LINGO1: variants seen among roughly 807,000 people sequenced by gnomAD.
LINGO1 encodes leucine rich repeat and Ig domain containing 1.
A neutral mutation model predicts 37.3 loss-of-function variants in LINGO1; 11 were observed. The ratio of observed to expected loss-of-function variants is 0.29; its 90% CI spans 0.19 to 0.49. The LOEUF is 0.49. Ranked by LOEUF, LINGO1 falls within the 20% of genes least tolerant of loss-of-function variation. The probability of loss-of-function intolerance (pLI) is 0.99; values close to 1 mark genes in which losing one functional copy is unlikely to be tolerated. For missense variants in LINGO1, 585 were observed against 878.2 expected (o/e 0.67, Z 4.22); for synonymous variants, 387 against 403.0 (o/e 0.96, Z 0.48).
upstream of LINGO1, among the ~76,000 whole-genome samples, chr15:77,636,223 G>A (rs1354308775): frequency 6.6e-6 from 1 of 152,150 alleles, no homozygotes; most frequent in African/African-American, 2.4e-5. Context: ...GCAGGAGGTG[G>A]AGCTGGGGCA....
intron 1 of LINGO1, among the ~76,000 whole-genome samples, chr15:77,737,482 A>G (rs1567555203): frequency 6.6e-6 from 1 of 152,022 alleles, no homozygotes; most frequent in Non-Finnish European, 1.5e-5. Context: ...GAAGAGAGAG[A>G]GAGGGAAGGA....
intron 2 of LINGO1, among the ~76,000 whole-genome samples, chr15:77,681,932 G>A (rs762194678): frequency 2.1e-4 from 32 of 152,222 alleles, no homozygotes; most frequent in Non-Finnish European, 2.8e-4. Context: ...TCTCACACAC[G>A]CCCTCGAGGA....
intron 3 of LINGO1, among the ~76,000 whole-genome samples, chr15:77,672,935 T>C (rs1025222277): frequency 1.3e-5 from 2 of 152,218 alleles, no homozygotes; most frequent in African/African-American, 2.4e-5. Context: ...CAAAGATCAA[T>C]GGAATCAAAC....
chr15:77,639,426 T>C (rs954512894), intron 3 of LINGO1, among the ~76,000 whole-genome samples: 1 of 151,938 alleles, frequency 6.6e-6, no homozygotes, highest in Non-Finnish European at 1.5e-5. Context: ...GGGCAAGGAA[T>C]GGCCCGGCAA....
At chr15:77,757,658 A>G (rs2076433365) in intron 1 of LINGO1, among the ~76,000 whole-genome samples, 2 of 149,466 alleles carry the variant, frequency 1.3e-5, no homozygotes, top group Non-Finnish European at 3.0e-5. Flanking sequence ...AAGTCCCCAG[A>G]TAAGAGGAGA....
chr15:77,671,989 G>C (rs2141206701), intron 3 of LINGO1, among the ~76,000 whole-genome samples: 1 of 145,020 alleles, frequency 6.9e-6, no homozygotes, highest in East Asian at 1.9e-4. Context: ...CCAAACACAT[G>C]ATGAGCCTCT....
At chr15:77,655,858 C>T (rs2074853858) in intron 3 of LINGO1, among the ~76,000 whole-genome samples, 1 of 152,240 alleles carries the variant, frequency 6.6e-6, no homozygotes, top group South Asian at 2.1e-4. Flanking sequence ...CTCCTCCCAG[C>T]CTTCTCCTCC....
chr15:77,804,513 G>C (rs2076944122), intron 1 of LINGO1, among the ~76,000 whole-genome samples: 1 of 152,220 alleles, frequency 6.6e-6, no homozygotes, highest in East Asian at 1.9e-4. Context: ...ATAGGCAGAG[G>C]TCAGAGTGAG....
chr15:77,699,534 A>G (rs2031156806), upstream of LINGO1, among the ~76,000 whole-genome samples: 1 of 9,274 alleles, frequency 1.1e-4, no homozygotes, highest in African/African-American at 3.8e-4. Flanking sequence ...CCCCACACAC[A>G]GTAAGTGCAT....
At chr15:77,666,919 G>A (rs1443439877) in intron 3 of LINGO1, 1 of 152,226 alleles carries the variant, frequency 6.6e-6, no homozygotes, top group Non-Finnish European at 1.5e-5. Context: ...GAGGAACTCA[G>A]CCTCTCTGAA....
chr15:77,775,307 T>C (rs1161086188), intron 1 of LINGO1, among the ~76,000 whole-genome samples: 1 of 152,148 alleles, frequency 6.6e-6, no homozygotes, highest in African/African-American at 2.4e-5. Flanking sequence ...CCTACAGCAG[T>C]GGGTGCCCAC....
At chr15:77,783,647 C>T (rs2076742847) in intron 1 of LINGO1, among the ~76,000 whole-genome samples, 1 of 152,198 alleles carries the variant, frequency 6.6e-6, no homozygotes, top group Admixed American at 6.5e-5. Flanking sequence ...TCTAGGACGG[C>T]TGTGTGGATA....
intron 2 of LINGO1, among the ~76,000 whole-genome samples, chr15:77,685,675 T>C (rs911038494): frequency 4.8e-5 from 7 of 144,642 alleles, no homozygotes; most frequent in African/African-American, 1.6e-4. Flanking sequence ...CTGGGCAACA[T>C]AGTGAGACCC....
intron 1 of LINGO1, among the ~76,000 whole-genome samples, chr15:77,767,402 G>C (rs2076541106): frequency 6.6e-6 from 1 of 152,168 alleles, no homozygotes; most frequent in Admixed American, 6.5e-5. Flanking sequence ...AGATATGCAA[G>C]GTCTCAAAAA....
chr15:77,799,188 T>A (rs2076897282), intron 1 of LINGO1, among the ~76,000 whole-genome samples: 1 of 152,194 alleles, frequency 6.6e-6, no homozygotes. Flanking sequence ...TCATTCTACT[T>A]TTGTTAAGTA....
At chr15:77,663,868 C>G (rs2075053853) in intron 3 of LINGO1, among the ~76,000 whole-genome samples, 1 of 152,192 alleles carries the variant, frequency 6.6e-6, no homozygotes, top group Non-Finnish European at 1.5e-5. Flanking sequence ...TGGGGCCTGG[C>G]AGAGGAAATG....
intron 1 of LINGO1, among the ~76,000 whole-genome samples, chr15:77,747,124 T>C (rs1435462388): frequency 6.6e-6 from 1 of 152,148 alleles, no homozygotes; most frequent in Non-Finnish European, 1.5e-5. Flanking sequence ...CTAAGAAGAA[T>C]ACCCAACCAC....
chr15:77,769,429 C>A (rs937884767), intron 1 of LINGO1, among the ~76,000 whole-genome samples: 1 of 152,206 alleles, frequency 6.6e-6, no homozygotes, highest in African/African-American at 2.4e-5. Flanking sequence ...GCCTCCCACT[C>A]GCACACCCTG....
chr15:77,685,012 T>G (rs911781748), intron 2 of LINGO1, among the ~76,000 whole-genome samples: 4 of 76,848 alleles, frequency 5.2e-5, no homozygotes, highest in Non-Finnish European at 1.0e-4. Flanking sequence ...CCTAGAAGGA[T>G]GGGGGGTGTG....
Sources: allele counts gnomAD v4.1 joint callset (sites outside exome capture counted in the v4.1 genomes callset), GRCh38; gene constraint gnomAD v4.1.1; transcripts MANE v1.5; gene names NCBI Gene and HGNC (gene_info 2026-07-23, HGNC 2026-07-21).